Variants in DMXL1 observed in about 807,000 individuals in gnomAD.
DMXL1 encodes the protein Dmx like 1.
A neutral mutation model predicts 319.2 loss-of-function variants in DMXL1; 99 were observed. The observed-to-expected ratio is 0.31, with a 90% CI of 0.26 to 0.37. The LOEUF (loss-of-function observed/expected upper bound fraction) is 0.37, where lower values mean the gene tolerates loss of function less well. DMXL1 is among the 10% of genes least tolerant of loss of function. The probability of loss-of-function intolerance (pLI) is 1.00; values close to 1 mark genes in which losing one functional copy is unlikely to be tolerated. For missense variants in DMXL1, 3,745 were observed against 3,595.6 expected (o/e 1.04, Z -1.06); for synonymous variants, 1,385 against 1,235.2 (o/e 1.12, Z -2.54).
In DMXL1 at chr5:119,116,141, GTT is replaced by G; in HGVS notation, c.565-8_565-7del. Reference sequence around the variant, plus strand: ...TCTGATCTCCATGATTTTCTGTTTTGTTTTTTTTTTCCTTAGGATGACTGTCT... The same window carrying G: ...TCTGATCTCCATGATTTTCTGTTTTGTTTTTTTTCCTTAGGATGACTGTCT... On this transcript the variant is annotated splice_polypyrimidine_tract_variant and intron_variant, in intron 6 of 43. Coordinates refer to ENST00000539542, the MANE Select transcript of DMXL1 (RefSeq NM_001290321.3). 1 of 1,373,968 alleles carries G rather than the reference GTT, an allele frequency of 7.3e-7. No homozygotes were observed. Among genetic ancestry groups the G allele is most frequent in the Non-Finnish European group, 9.8e-7 (1 of 1,018,960 alleles). The allele number at this position is 1,373,968 out of a possible 1,614,324, so 85.1% of individuals were successfully genotyped here.
intron 6 of DMXL1, 29 bp from the exon 7 acceptor site, chr5:119,116,129 A>C: frequency 6.4e-7 from 1 of 1,562,584 alleles, no homozygotes; most frequent in East Asian, 2.3e-5. Flanking sequence ...GATCTCCATG[A>C]TTTTCTGTTT....
intron 1 of DMXL1, among the ~76,000 whole-genome samples, chr5:119,084,963 T>C (rs1753031669): frequency 6.6e-6 from 1 of 152,198 alleles, no homozygotes; most frequent in African/African-American, 2.4e-5. Flanking sequence ...TTTCCATTTT[T>C]TGTGTGTCTG....
chr5:119,219,588 T>A (rs1784307251), intron 35 of DMXL1, among the ~76,000 whole-genome samples: 1 of 152,034 alleles, frequency 6.6e-6, no homozygotes, highest in South Asian at 2.1e-4. Context: ...TTTATTTATT[T>A]ATTGAGACAG....
intron 42 of DMXL1, among the ~76,000 whole-genome samples, chr5:119,242,109 CAT>C (rs768968423): frequency 8.1e-4 from 123 of 152,270 alleles, no homozygotes; most frequent in Non-Finnish European, 1.4e-3. Flanking sequence ...CTAGTATCTA[CAT>C]ATGTTTTATG....
intron 15 of DMXL1, among the ~76,000 whole-genome samples, chr5:119,145,539 C>CA: frequency 6.6e-6 from 1 of 151,708 alleles, no homozygotes. Flanking sequence ...ATTGTATAAA[C>CA]AAAACTATCC....
chr5:119,189,240 C>A (rs2150367778), intron 28 of DMXL1, among the ~76,000 whole-genome samples: 1 of 151,998 alleles, frequency 6.6e-6, no homozygotes, highest in African/African-American at 2.4e-5. Flanking sequence ...AGTTATGGTG[C>A]CTGAATTTTG....
intron 1 of DMXL1, among the ~76,000 whole-genome samples, chr5:119,077,656 ATG>A (rs1299949592): frequency 9.6e-6 from 1 of 104,336 alleles, no homozygotes; most frequent in Non-Finnish European, 1.9e-5. Context: ...TTTTTTGTAT[ATG>A]TGTGTGTGTA....
chr5:119,110,352 T>A lies in DMXL1; in HGVS notation c.497+69T>A, dbSNP rs188137634. ...TATGTGGTTTTATTATAAATGTATT[T>A]TAGTTGTGTAAAACCACACTGACAT... On this transcript the variant is annotated intron_variant, in intron 5 of 43. Transcript: ENST00000539542. 5 of 1,384,442 alleles carry A rather than the reference T, an allele frequency of 3.6e-6. No homozygotes were observed. In the Admixed American group the frequency reaches 8.2e-5, roughly 23 times the overall value. The allele number at this position is 1,384,442 out of a possible 1,614,324, so 85.8% of individuals were successfully genotyped here. A position where few individuals can be genotyped will look rare whatever the true frequency, so the allele number is the denominator to read the frequency against.
At chr5:119,196,288 G>A in intron 30 of DMXL1, 83 bp from the exon 31 acceptor site, 1 of 1,030,746 alleles carries the variant, frequency 9.7e-7, no homozygotes, top group Non-Finnish European at 1.5e-6. Context: ...TCCTGATAGT[G>A]GAATTTGTTG....
chr5:119,169,144 C>T (rs1774041812), intron 23 of DMXL1, among the ~76,000 whole-genome samples: 1 of 152,110 alleles, frequency 6.6e-6, no homozygotes, highest in Admixed American at 6.5e-5. Flanking sequence ...GCTCAAAGTG[C>T]TGGGATTACA....
At position 119,240,878 on chromosome 5, in the gene DMXL1, C is replaced by A. The variant is rs193083111; in HGVS notation, c.8704+407C>A. On this transcript the variant is annotated intron_variant, in intron 42 of 43. Coordinates refer to ENST00000539542, the MANE Select transcript of DMXL1 (RefSeq NM_001290321.3). ...GGGAAGAAATAAAACTGTCTTTATTCACAGAAAACATAATTTTCTATAAAA... is the reference window on the plus strand; with the variant it reads ...GGGAAGAAATAAAACTGTCTTTATTAACAGAAAACATAATTTTCTATAAAA... 8.6e-5 allele frequency among the ~76,000 whole-genome samples: 13 copies of A among 151,944 alleles called. No homozygotes were observed. In the East Asian group the frequency reaches 1.7e-3, roughly 20 times the overall value.
intron 28 of DMXL1, among the ~76,000 whole-genome samples, chr5:119,182,699 T>C (rs1160584446): frequency 2.0e-5 from 3 of 152,114 alleles, no homozygotes; most frequent in African/African-American, 7.2e-5. Context: ...ACAAAAATGT[T>C]AATGTACATA....
chr5:119,075,518 C>T (rs1182575606), intron 1 of DMXL1, among the ~76,000 whole-genome samples: 2 of 152,066 alleles, frequency 1.3e-5, no homozygotes, highest in Non-Finnish European at 2.9e-5. Context: ...GGATTACAGG[C>T]GTGAGCCACC....
intron 10 of DMXL1, chr5:119,132,773 C>G (rs980968306): frequency 3.7e-6 from 2 of 543,168 alleles, no homozygotes; most frequent in African/African-American, 3.8e-5. Flanking sequence ...CAAAGGTAAA[C>G]GATTAATTTG....
chr5:119,133,683 A>G lies in DMXL1; in HGVS notation c.1759A>G (p.Ser587Gly), dbSNP rs753154447. The change falls in exon 12 of 44, where the codon AGT becomes GGT. Residue 587 changes from serine (S) to glycine (G), a missense_variant. Ser to Gly is a moderately conservative substitution (Grantham distance 56). Around this residue, in one of 4 missense-constraint regions of DMXL1, gnomAD observed 2,096 missense variants for 1,985.4 expected, o/e 1.06. Coordinates refer to ENST00000539542, the MANE Select transcript of DMXL1 (RefSeq NM_001290321.3). ...TTCTGGTCACAATAAATCATCTAAT[A>G]GTTTAAAATTAAGTATTTTTACGCC... ...ISSGHNKSSN[S>G]LKLSIFTPNV... 1.2e-6 allele frequency: 2 copies of G among 1,614,194 alleles called. No individual in the cohort carries two copies. Among genetic ancestry groups the G allele is most frequent in the Non-Finnish European group, 1.7e-6 (2 of 1,180,024 alleles).
chr5:119,213,926 A>G (rs972914317), intron 34 of DMXL1, among the ~76,000 whole-genome samples: 2 of 152,192 alleles, frequency 1.3e-5, no homozygotes, highest in Non-Finnish European at 2.9e-5. Flanking sequence ...ATATCAAACT[A>G]ATCTATTTCT....
At chr5:119,151,855 A>G in intron 18 of DMXL1, 74 bp from the exon 19 acceptor site, 1 of 849,978 alleles carries the variant, frequency 1.2e-6, no homozygotes, top group South Asian at 1.5e-5. Flanking sequence ...TAAGAATGTT[A>G]TATGCCTATA....
In DMXL1 at chr5:119,216,122, A is replaced by AAG. The variant is rs1451937133; in HGVS notation, c.7927-779_7927-778insAG. Among the ~76,000 whole-genome samples the AAG allele has an allele frequency of 2.0e-5, 3 of 148,484 alleles. No homozygotes were observed. The East Asian group carries it at 5.9e-4, about 29-fold the overall frequency. The stretch of plus-strand genomic sequence containing the variant: ...AAAAAAAAAAAAAAAAAAAAAAAAA[A>AAG]GCAGGATAATATGAAATAATGTCCT... On this transcript the variant is annotated intron_variant, in intron 34 of 43. Transcript: ENST00000539542.
chr5:119,204,759 C>T (rs1781464061), intron 33 of DMXL1, among the ~76,000 whole-genome samples: 1 of 152,072 alleles, frequency 6.6e-6, no homozygotes, highest in Non-Finnish European at 1.5e-5. Flanking sequence ...GGTATGTGAA[C>T]CACATTTTGA....
Sources: allele counts gnomAD v4.1 joint callset (sites outside exome capture counted in the v4.1 genomes callset), GRCh38; gene constraint gnomAD v4.1.1; regional missense constraint gnomAD v4.1.1; transcripts MANE v1.5; gene names NCBI Gene and HGNC (gene_info 2026-07-23, HGNC 2026-07-21).